PLCH2: variants seen among roughly 807,000 people sequenced by gnomAD.
PLCH2 encodes 1-phosphatidylinositol 4,5-bisphosphate phosphodiesterase eta-2.
Under a neutral mutation model 134.7 loss-of-function variants are expected in PLCH2, and 98 were observed. The observed-to-expected ratio is 0.73, with a 90% CI of 0.62 to 0.86. PLCH2 has a LOEUF of 0.86. Among genes scored for constraint, PLCH2 ranks in the 40% least tolerant of loss-of-function variants. The pLI is 0.00. For synonymous variants in PLCH2, 974 were observed against 827.5 expected, an observed-to-expected ratio of 1.18 and a Z score of -3.04; for missense variants, 1,994 against 1,986.6, an observed-to-expected ratio of 1.00 and a Z score of -0.07.
upstream of PLCH2, among the ~76,000 whole-genome samples, chr1:2,425,426 A>T (rs1638744361): frequency 6.6e-6 from 1 of 152,172 alleles, no homozygotes; most frequent in African/African-American, 2.4e-5. Context: ...GTGGCAGTGG[A>T]CATGGAAATG....
At position 2,497,621 on chromosome 1, in the gene PLCH2, G is replaced by A. The variant is rs774180364; in HGVS notation, c.2224+12G>A. On this transcript the variant is annotated intron_variant, in intron 16 of 21. Transcript: ENST00000378486. ...GTGCATGTGCCAGGGTGAGGCACTC[G>A]GACACTCAGGGCTCGGACGCTCAGG... The A allele has an allele frequency of 9.2e-6, 14 of 1,524,688 alleles. No individual in the cohort carries two copies. In the East Asian group the frequency reaches 9.8e-5, roughly 11 times the overall value. 94.4% of individuals were successfully genotyped at this position (1,524,688 alleles called of 1,614,324 possible). A position where few individuals can be genotyped will look rare whatever the true frequency, so the allele number is the denominator to read the frequency against.
intron 2 of PLCH2, among the ~76,000 whole-genome samples, chr1:2,433,712 C>T (rs1276228513): frequency 1.3e-5 from 2 of 152,210 alleles, no homozygotes; most frequent in Admixed American, 6.5e-5. Flanking sequence ...AGAGGAGATG[C>T]TTTGGAAAAT....
Position 2,498,822 on chromosome 1 carries a change from G to A in PLCH2, c.2428G>A (p.Asp810Asn), listed in dbSNP as rs371221101. ...CSREQTRVVD[D>N]NGFNPTWEET... ...CAGGGAGCAGACCCGCGTGGTGGAC[G>A]ACAACGGTGAGGCTGGGCCGTGGCT... is the stretch of plus-strand genomic sequence containing the variant. The change falls in exon 18 of 22, where the codon GAC becomes AAC. Residue 810 changes from aspartate (D) to asparagine (N), a missense_variant. Asp to Asn is a conservative substitution (Grantham distance 23). Around this residue, in one of 2 missense-constraint regions of PLCH2, gnomAD observed 1,094 missense variants for 1,234.3 expected, o/e 0.89. Transcript: ENST00000378486. The surrounding 1 kb of genome is among the most constrained non-coding windows in gnomAD (Gnocchi z 5.4). The A allele has an allele frequency of 1.5e-5, 24 of 1,607,236 alleles. No individual in the cohort carries two copies. The highest frequency in any genetic ancestry group is 6.7e-5 in the African/African-American group (5 of 74,802).
chr1:2,471,579 G>A (rs1180718127), upstream of PLCH2, among the ~76,000 whole-genome samples: 1 of 152,228 alleles, frequency 6.6e-6, no homozygotes. Context: ...CTCCCTCTGG[G>A]CCCTGTGGGA....
In PLCH2 at chr1:2,439,131, G is replaced by C. The variant is rs186383771; in HGVS notation, c.115+8502G>C. On this transcript the variant is annotated intron_variant, in intron 2 of 3. Transcript: ENST00000609981. The surrounding 1 kb of genome is among the most constrained non-coding windows in gnomAD (Gnocchi z 4.7). Reference sequence around the variant, plus strand: ...TTCAAGGCAGGATACCATGTCTCTGGGGACCCTGGGCAGGTGCCTTTCTCT... The same window carrying C: ...TTCAAGGCAGGATACCATGTCTCTGCGGACCCTGGGCAGGTGCCTTTCTCT... 1.1e-4 allele frequency among the ~76,000 whole-genome samples: 17 copies of C among 152,314 alleles called. 2 individuals are homozygous for C. The highest frequency in any genetic ancestry group is 4.1e-4 in the African/African-American group (17 of 41,562).
intron 15 of PLCH2, 64 bp downstream of exon 15, chr1:2,497,074 C>T: frequency 6.6e-7 from 1 of 1,520,744 alleles, no homozygotes; most frequent in Non-Finnish European, 8.9e-7. Context: ...TCCCTGAAGC[C>T]CAAGGGGCGA....
chr1:2,499,448 C>A (rs1024884735), intron 19 of PLCH2, among the ~76,000 whole-genome samples, 193 bp from the exon 20 acceptor site: 1 of 152,130 alleles, frequency 6.6e-6, no homozygotes, highest in African/African-American at 2.4e-5. Context: ...GAGGTCCCTG[C>A]AGGCTGGTGC....
In PLCH2 at chr1:2,476,504, A is replaced by C; in HGVS notation, c.-85A>C. ...AAGGCCCCACGGAGGTCCTGTCGCCAGCGCTGCCACTGCCTGACCTCCGCT... is the reference window on the plus strand; with the variant it reads ...AAGGCCCCACGGAGGTCCTGTCGCCCGCGCTGCCACTGCCTGACCTCCGCT... On this transcript the variant is annotated 5_prime_UTR_variant, in exon 1 of 22. Coordinates refer to ENST00000378486, the MANE Select transcript of PLCH2 (RefSeq NM_014638.4). 2 of 1,323,514 alleles carry C rather than the reference A, an allele frequency of 1.5e-6. No individual in the cohort carries two copies. Among genetic ancestry groups the C allele is most frequent in the Non-Finnish European group, 2.0e-6 (2 of 1,003,218 alleles). 82.0% of individuals were successfully genotyped at this position (1,323,514 alleles called of 1,614,324 possible).
intron 2 of PLCH2, among the ~76,000 whole-genome samples, chr1:2,431,673 G>A (rs1639079067): frequency 6.6e-6 from 1 of 152,168 alleles, no homozygotes; most frequent in African/African-American, 2.4e-5. Flanking sequence ...TCAGGTCCAG[G>A]GGCAACGGTT....
upstream of PLCH2, among the ~76,000 whole-genome samples, chr1:2,467,070 G>T (rs1295053515): frequency 6.6e-6 from 1 of 152,156 alleles, no homozygotes; most frequent in Admixed American, 6.5e-5. Context: ...CAGCCTGCGG[G>T]GCCTGGGGTG....
chr1:2,486,965 C>T lies in PLCH2; in HGVS notation c.875C>T (p.Pro292Leu), dbSNP rs1642319109. 1.9e-6 allele frequency: 3 copies of T among 1,607,306 alleles called. No individual in the cohort carries two copies. The African/African-American group carries it at 4.0e-5, about 21-fold the overall frequency. Residue 292 changes from proline (P) to leucine (L), a missense_variant, in exon 6 of 22, where the codon CCA (proline) becomes CTA (leucine). Around this residue, in one of 2 missense-constraint regions of PLCH2, gnomAD observed 1,094 missense variants for 1,234.3 expected, o/e 0.89. Transcript: ENST00000378486. ...QDIIEQFEPC[P>L]ENKSKGLLGI... The stretch of plus-strand genomic sequence containing the variant: ...ATCATCGAGCAGTTTGAGCCATGCC[C>T]AGAAAACAAGAGTAAGGGGCTGCTG...
rs1007482981 is a variant in PLCH2, at chr1:2,502,296, T to C, written c.2846T>C (p.Leu949Pro). ...PGRRGFPELVLGTRDTGSKGV... is the reference protein window; with the variant it reads ...PGRRGFPELVPGTRDTGSKGV... ...CGCAGGGGCTTCCCGGAGCTGGTCCTGGGTACACGGGACACAGGCTCCAAG... is the reference window on the plus strand; with the variant it reads ...CGCAGGGGCTTCCCGGAGCTGGTCCCGGGTACACGGGACACAGGCTCCAAG... Residue 949 changes from leucine (L) to proline (P), a missense_variant, in exon 21 of 22, where the codon CTG becomes CCG. By Grantham distance (98) the Leu-to-Pro change is moderately conservative. This residue lies in a region of PLCH2 where 900 missense variants were observed against 752.3 expected (regional missense o/e 1.20). Transcript: ENST00000378486. The C allele has an allele frequency of 2.7e-5, 41 of 1,537,506 alleles. 1 individual carries two copies. The highest frequency in any genetic ancestry group is 3.6e-5 in the Non-Finnish European group (41 of 1,142,638).
At position 2,480,113 on chromosome 1, in the gene PLCH2, C is replaced by G; in HGVS notation, c.516-70C>G. The G allele has an allele frequency of 3.8e-6, 6 of 1,598,554 alleles. No individual in the cohort carries two copies. In the South Asian group the frequency reaches 6.7e-5, roughly 18 times the overall value. On this transcript the variant is annotated intron_variant, in intron 3 of 21. Transcript: ENST00000378486. Reference sequence around the variant, plus strand: ...GGCTGGGGTCCCCTATTCCTTCCTCCCTAGGCCAGAGGGTGGAGGTGTCAG... The same window carrying G: ...GGCTGGGGTCCCCTATTCCTTCCTCGCTAGGCCAGAGGGTGGAGGTGTCAG...
Position 2,435,521 on chromosome 1 carries a change from G to A in PLCH2, c.115+4892G>A, listed in dbSNP as rs1179552980. Reference sequence around the variant, plus strand: ...TGTTAGTGAGGCGGGGATAGCAGGCGCAGGGGCCTCTCTTTGCAGGGACTG... The same window carrying A: ...TGTTAGTGAGGCGGGGATAGCAGGCACAGGGGCCTCTCTTTGCAGGGACTG... On this transcript the variant is annotated intron_variant, in intron 2 of 3. Coordinates refer to the PLCH2 transcript ENST00000609981. 5.5e-4 allele frequency among the ~76,000 whole-genome samples: 84 copies of A among 152,202 alleles called. 3 individuals carry two copies. Among genetic ancestry groups the A allele is most frequent in the Admixed American group, 5.5e-3 (84 of 15,298 alleles).
chr1:2,477,392 C>G (rs532002189), intron 1 of PLCH2, among the ~76,000 whole-genome samples: 5 of 152,328 alleles, frequency 3.3e-5, no homozygotes, highest in Non-Finnish European at 7.3e-5. Context: ...TTCCCCTCTG[C>G]TCGTGATCAC....
chr1:2,473,943 A>G (rs978757079), upstream of PLCH2, among the ~76,000 whole-genome samples: 4 of 152,236 alleles, frequency 2.6e-5, no homozygotes, highest in South Asian at 6.2e-4. Context: ...GCTCAGGCTC[A>G]CGGGAGGGGC....
At chr1:2,419,633 C>T in the PLCH2 span, among the ~76,000 whole-genome samples, 2 of 152,094 alleles carry the variant, frequency 1.3e-5, no homozygotes, top group Non-Finnish European at 2.9e-5. Flanking sequence ...ACCTCACTGG[C>T]TCTTCTTGCC....
intron 4 of PLCH2, among the ~76,000 whole-genome samples, chr1:2,483,889 CT>C (rs1558005233): frequency 8.5e-6 from 1 of 117,744 alleles, no homozygotes; most frequent in African/African-American, 3.2e-5. Context: ...GTGGCGCTGA[CT>C]CCCGTGTGGG....
chr1:2,472,814 G>A (rs529703902), upstream of PLCH2, among the ~76,000 whole-genome samples: 12 of 152,252 alleles, frequency 7.9e-5, no homozygotes, highest in African/African-American at 1.9e-4. Flanking sequence ...TCCCGTACAC[G>A]CTCGTGAAGG....
Sources: allele counts gnomAD v4.1 joint callset (sites outside exome capture counted in the v4.1 genomes callset), GRCh38; gene constraint gnomAD v4.1.1; regional missense constraint gnomAD v4.1.1; non-coding constraint Gnocchi (gnomAD v3.1); transcripts MANE v1.5; gene names NCBI Gene and HGNC (gene_info 2026-07-23, HGNC 2026-07-21).